ALDH5A1: variants seen among roughly 807,000 people sequenced by gnomAD.
The protein encoded by ALDH5A1 is succinate-semialdehyde dehydrogenase, mitochondrial.
In ALDH5A1, 33 loss-of-function variants were observed where a neutral mutation model predicts 54.7. The observed-to-expected ratio is 0.60, with a 90% CI of 0.46 to 0.81. ALDH5A1 has a LOEUF of 0.81. Ranked by LOEUF, ALDH5A1 falls within the 30% of genes least tolerant of loss-of-function variation. The pLI is 0.00. For missense variants in ALDH5A1, 657 were observed against 711.0 expected, an observed-to-expected ratio of 0.92 and a Z score of 0.86; for synonymous variants, 294 against 292.7, an observed-to-expected ratio of 1.00 and a Z score of -0.05.
intron 5 of ALDH5A1, among the ~76,000 whole-genome samples, chr6:24,519,001 T>C (rs1759624450): frequency 6.6e-6 from 1 of 152,190 alleles, no homozygotes; most frequent in Non-Finnish European, 1.5e-5. Context: ...TAAACTATAA[T>C]AGCTATAGGT....
chr6:24,526,889 CTA>C (rs749581504), intron 7 of ALDH5A1, among the ~76,000 whole-genome samples: 3 of 120,790 alleles, frequency 2.5e-5, no homozygotes, highest in Non-Finnish European at 3.2e-5. Flanking sequence ...TATATATATT[CTA>C]TATATATATC....
chr6:24,531,592 A>G (rs1759937214), intron 8 of ALDH5A1, among the ~76,000 whole-genome samples: 1 of 152,198 alleles, frequency 6.6e-6, no homozygotes, highest in Non-Finnish European at 1.5e-5. Flanking sequence ...CTTATTCCTG[A>G]AATAAAATTT....
At chr6:24,523,748 C>T (rs1410327439) in intron 7 of ALDH5A1, among the ~76,000 whole-genome samples, 1 of 152,194 alleles carries the variant, frequency 6.6e-6, no homozygotes. Context: ...AAATCCCTGT[C>T]TAAAACAGTC....
chr6:24,523,252 T>C (rs2127388094), intron 7 of ALDH5A1, among the ~76,000 whole-genome samples: 1 of 151,604 alleles, frequency 6.6e-6, no homozygotes, highest in East Asian at 1.9e-4. Flanking sequence ...TCTACATCTA[T>C]ACATGGAATC....
chr6:24,508,824 A>G (rs1291022778), intron 4 of ALDH5A1, among the ~76,000 whole-genome samples: 1 of 152,156 alleles, frequency 6.6e-6, no homozygotes, highest in African/African-American at 2.4e-5. Flanking sequence ...TGCAGGAGTA[A>G]GGTGGTATTG....
intron 5 of ALDH5A1, among the ~76,000 whole-genome samples, chr6:24,516,438 C>G (rs868609381): frequency 0.013 from 287 of 21,602 alleles, 1 homozygote; most frequent in African/African-American, 0.046. Context: ...GAGACTCTGT[C>G]TCAAAAAAAA....
At chr6:24,495,525 A>C (rs1344507522) in intron 1 of ALDH5A1, among the ~76,000 whole-genome samples, 175 bp downstream of exon 1, 1 of 152,164 alleles carries the variant, frequency 6.6e-6, no homozygotes, top group Non-Finnish European at 1.5e-5. Context: ...ATAAGTTTGG[A>C]GCTTCCACTT....
At position 24,509,515 on chromosome 6, in the gene ALDH5A1, T is replaced by C. The variant is rs1759424678; in HGVS notation, c.726+4530T>C. Among the ~76,000 whole-genome samples, 1 of 152,202 alleles carries C rather than the reference T, an allele frequency of 6.6e-6. No individual in the cohort carries two copies. The highest frequency in any genetic ancestry group is 6.5e-5 in the Admixed American group (1 of 15,284). Reference sequence around the variant, plus strand: ...ATTATTTTACTACCATTTCAGTCTGTTCGGGATATCTCGTTCTTCCTGATT... The same window carrying C: ...ATTATTTTACTACCATTTCAGTCTGCTCGGGATATCTCGTTCTTCCTGATT... On this transcript the variant is annotated intron_variant, in intron 4 of 9. Coordinates refer to ENST00000357578, the MANE Select transcript of ALDH5A1 (RefSeq NM_001080.3). This position sits in a 1 kb window ranked among gnomAD's most constrained non-coding sequence, Gnocchi z 4.7.
intron 1 of ALDH5A1, among the ~76,000 whole-genome samples, chr6:24,497,239 A>G (rs1764731379): frequency 6.6e-6 from 1 of 152,068 alleles, no homozygotes; most frequent in South Asian, 2.1e-4. Flanking sequence ...TATCCCTTCC[A>G]GTGTTCCGTT....
chr6:24,506,243 C>CTTTTTTTTTTTTTTTT lies in ALDH5A1; in HGVS notation c.726+1273_726+1288dup, dbSNP rs70974913. 2.8e-3 allele frequency among the ~76,000 whole-genome samples: 148 copies of CTTTTTTTTTTTTTTTT among 52,162 alleles called. 39 individuals carry two copies. Among genetic ancestry groups the CTTTTTTTTTTTTTTTT allele is most frequent in the Non-Finnish European group, 4.1e-3 (118 of 29,132 alleles). 34.2% of individuals were successfully genotyped at this position (52,162 alleles called of 152,430 possible). A position where few individuals can be genotyped will look rare whatever the true frequency, so the allele number is the denominator to read the frequency against. On this transcript the variant is annotated intron_variant, in intron 4 of 9. Transcript: ENST00000357578. Reference sequence around the variant, plus strand: ...TCTGCACCTCCTTCTTTCCTGGTTCCTTTTTTTTTTTTTTTTTTTTTTTTT... The same window carrying CTTTTTTTTTTTTTTTT: ...TCTGCACCTCCTTCTTTCCTGGTTCCTTTTTTTTTTTTTTTTTTTTTTTTTTTTTTTTTTTTTTTTT...
rs1013054811 is a variant in ALDH5A1 at position 24,515,070 on chromosome 6, T to C, written c.727-97T>C. On this transcript the variant is annotated intron_variant, in intron 4 of 9. Transcript: ENST00000357578. ...TCAGCTTAATTTTTCTTCCATTACT[T>C]TTTGGGTTAAGTATCTATTTATTTC... The C allele has an allele frequency of 1.2e-5, 16 of 1,360,330 alleles. No homozygotes were observed. The African/African-American group carries it at 1.9e-4, about 16-fold the overall frequency. 84.3% of individuals were successfully genotyped at this position (1,360,330 alleles called of 1,614,324 possible). A position where few individuals can be genotyped will look rare whatever the true frequency, so the allele number is the denominator to read the frequency against.
intron 1 of ALDH5A1, among the ~76,000 whole-genome samples, chr6:24,496,232 TAA>T (rs528341334): frequency 1.4e-3 from 217 of 152,306 alleles, no homozygotes; most frequent in Middle Eastern, 3.4e-3. Context: ...ATACCTCAGT[TAA>T]ACGAAAGAAG....
At chr6:24,526,618 A>G (rs966292687) in intron 7 of ALDH5A1, among the ~76,000 whole-genome samples, 5 of 151,640 alleles carry the variant, frequency 3.3e-5, no homozygotes, top group African/African-American at 1.2e-4. Flanking sequence ...AAAAAATATA[A>G]TAGAAATGCA....
At chr6:24,516,568 T>C (rs948758404) in intron 5 of ALDH5A1, among the ~76,000 whole-genome samples, 1 of 152,148 alleles carries the variant, frequency 6.6e-6, no homozygotes, top group Admixed American at 6.5e-5. Flanking sequence ...TGCTTTTTTC[T>C]ACTAGTTTAT....
At position 24,522,860 on chromosome 6, in the gene ALDH5A1, G is replaced by A. The variant is rs754091433; in HGVS notation, c.1108G>A (p.Val370Ile). The A allele has an allele frequency of 1.4e-5, 22 of 1,614,002 alleles. No individual in the cohort carries two copies. In the East Asian group the frequency reaches 3.6e-4, roughly 26 times the overall value. The change falls in exon 7 of 10, where the codon GTA becomes ATA. Residue 370 changes from valine (V) to isoleucine (I), a missense_variant. Transcript: ENST00000357578. ...CGAGGCCATGAAGAAGAACCTGCGC[G>A]TAGGTAATGGATTTGAGGAAGGAAC... is the stretch of plus-strand genomic sequence containing the variant. ...FAEAMKKNLR[V>I]GNGFEEGTTQ... is the part of the protein sequence containing the mutation.
chr6:24,530,039 T>C (rs1759898689), intron 8 of ALDH5A1, among the ~76,000 whole-genome samples: 1 of 152,242 alleles, frequency 6.6e-6, no homozygotes, highest in Admixed American at 6.5e-5. Flanking sequence ...GATATTCTTC[T>C]TCCTTTCATT....
At chr6:24,522,308 C>T (rs1168496284) in intron 6 of ALDH5A1, among the ~76,000 whole-genome samples, 1 of 152,074 alleles carries the variant, frequency 6.6e-6, no homozygotes, top group African/African-American at 2.4e-5. Context: ...CCTGTGTCAG[C>T]AAAACAAAAG....
rs70974913 is a variant in ALDH5A1, at chr6:24,506,243, C to CTTTTTTTTTTTTT, written c.726+1276_726+1288dup. Among the ~76,000 whole-genome samples, 197 of 52,162 alleles carry CTTTTTTTTTTTTT rather than the reference C, an allele frequency of 3.8e-3. 62 individuals carry two copies. The highest frequency in any genetic ancestry group is 5.4e-3 in the Non-Finnish European group (158 of 29,132). The allele number at this position is 52,162 out of a possible 152,430, so 34.2% of individuals were successfully genotyped here. A position where few individuals can be genotyped will look rare whatever the true frequency, so the allele number is the denominator to read the frequency against. ...TCTGCACCTCCTTCTTTCCTGGTTC[C>CTTTTTTTTTTTTT]TTTTTTTTTTTTTTTTTTTTTTTTT... On this transcript the variant is annotated intron_variant, in intron 4 of 9. Transcript: ENST00000357578.
intron 4 of ALDH5A1, among the ~76,000 whole-genome samples, chr6:24,508,361 CAAAAAAA>C (rs1214819272): frequency 1.8e-3 from 24 of 13,076 alleles, no homozygotes; most frequent in African/African-American, 5.4e-3. Flanking sequence ...ACTCCATCTC[CAAAAAAA>C]AAAAAAAAAA....
Sources: gnomAD v4.1 joint callset for allele counts (sites outside exome capture counted in the v4.1 genomes callset) on GRCh38, gnomAD v4.1.1 for gene constraint, Gnocchi (gnomAD v3.1) non-coding constraint, MANE v1.5 for transcripts, NCBI Gene and HGNC (gene_info 2026-07-23, HGNC 2026-07-21) for gene names.